CDYL: variants seen among roughly 807,000 people sequenced by gnomAD.
CDYL encodes the protein chromodomain Y-like protein.
A neutral mutation model predicts 47.3 loss-of-function variants in CDYL; 8 were observed. The observed-to-expected ratio is 0.17, with a 90% confidence interval of 0.10 to 0.31. CDYL has a LOEUF of 0.31. Among genes scored for constraint, CDYL ranks in the 10% least tolerant of loss-of-function variants. The pLI, the probability that CDYL is intolerant of heterozygous loss-of-function variation, is 1.00. For missense variants in CDYL, 471 were observed against 701.4 expected, an observed-to-expected ratio of 0.67 and a Z score of 3.71; for synonymous variants, 266 against 265.0, an observed-to-expected ratio of 1.00 and a Z score of -0.04.
intron 1 of CDYL, among the ~76,000 whole-genome samples, chr6:4,838,741 C>T (rs1760399380): frequency 6.6e-6 from 1 of 151,880 alleles, no homozygotes; most frequent in South Asian, 2.1e-4. Flanking sequence ...GGCTGGGGTG[C>T]AGTGGTGCCA....
chr6:4,731,975 T>C (rs1237566407), intron 2 of CDYL, among the ~76,000 whole-genome samples: 1 of 152,202 alleles, frequency 6.6e-6, no homozygotes, highest in Admixed American at 6.5e-5. Flanking sequence ...TATATTCTCT[T>C]GTATGTGTGA....
chr6:4,833,248 G>A (rs1206156213), intron 1 of CDYL, among the ~76,000 whole-genome samples: 47 of 144,408 alleles, frequency 3.3e-4, no homozygotes, highest in Non-Finnish European at 5.4e-4. Flanking sequence ...CTTTGAATGC[G>A]TCCCAGAGAT....
At chr6:4,898,329 T>A (rs1030061110) in intron 2 of CDYL, among the ~76,000 whole-genome samples, 1 of 152,038 alleles carries the variant, frequency 6.6e-6, no homozygotes, top group African/African-American at 2.4e-5. Flanking sequence ...GAGAAGACAT[T>A]TGAAGTCAAG....
intron 2 of CDYL, among the ~76,000 whole-genome samples, chr6:4,917,551 A>C (rs1757592445): frequency 6.6e-6 from 1 of 152,230 alleles, no homozygotes; most frequent in African/African-American, 2.4e-5. Flanking sequence ...ATTAATGTAA[A>C]TGTTACTCAA....
intron 2 of CDYL, among the ~76,000 whole-genome samples, chr6:4,719,705 G>A (rs1757334246): frequency 6.6e-6 from 1 of 152,160 alleles, no homozygotes; most frequent in South Asian, 2.1e-4. Context: ...TTAGCACCCA[G>A]GATGAGTCAT....
At chr6:4,951,788 T>C (rs1028565502) in intron 5 of CDYL, among the ~76,000 whole-genome samples, 2 of 152,170 alleles carry the variant, frequency 1.3e-5, no homozygotes, top group African/African-American at 4.8e-5. Context: ...AGGAATTCTG[T>C]GCCTGGTTCA....
At chr6:4,856,287 T>G (rs1761004524) in intron 1 of CDYL, among the ~76,000 whole-genome samples, 1 of 152,134 alleles carries the variant, frequency 6.6e-6, no homozygotes, top group Non-Finnish European at 1.5e-5. Flanking sequence ...AGGTTTGAAA[T>G]TTTAGCTTGG....
chr6:4,955,273 G>C lies in CDYL; in HGVS notation c.*1217G>C, dbSNP rs1758834578. The stretch of plus-strand genomic sequence containing the variant: ...AGGCTTCTGAGCTTGCAATCATATT[G>C]AATGTATGAAGAGCGAAATCAAATT... On this transcript the variant is annotated 3_prime_UTR_variant, in exon 7 of 7. Coordinates refer to ENST00000397588, the MANE Select transcript of CDYL (RefSeq NM_004824.4). 1 of 152,570 alleles carries C rather than the reference G, an allele frequency of 6.6e-6. No homozygotes were observed. Among genetic ancestry groups the C allele is most frequent in the Admixed American group, 6.5e-5 (1 of 15,278 alleles). The allele number at this position is 152,570 out of a possible 1,614,324, so 9.5% of individuals were successfully genotyped here.
chr6:4,860,498 TATATATATATAAAAA>T lies in CDYL; in HGVS notation c.25-31202_25-31188del, dbSNP rs1367509676. On this transcript the variant is annotated intron_variant, in intron 1 of 6. Coordinates refer to ENST00000397588, the MANE Select transcript of CDYL (RefSeq NM_004824.4). ...TTAGAGGGACAGAACTAATAGGAAA[TATATATATATAAAAA>T]ATATATATATAATGTATATTGTATA... 6.8e-5 allele frequency among the ~76,000 whole-genome samples: 10 copies of T among 147,738 alleles called. No individual in the cohort carries two copies. In the East Asian group the frequency reaches 9.8e-4, roughly 14 times the overall value.
chr6:4,708,521 T>A (rs72819501), intron 1 of CDYL, among the ~76,000 whole-genome samples: 13,377 of 152,270 alleles, frequency 0.088, 811 homozygotes, highest in Non-Finnish European at 0.13. Flanking sequence ...CAAATGCAAC[T>A]GTTAATTTTT....
intron 2 of CDYL, among the ~76,000 whole-genome samples, chr6:4,903,689 C>T (rs751415068): frequency 2.6e-5 from 4 of 152,298 alleles, no homozygotes; most frequent in East Asian, 1.9e-4. Flanking sequence ...TTTGTGTGCT[C>T]GGCCCCTGCA....
chr6:4,800,283 TGTTG>T (rs1759186752), intron 1 of CDYL, among the ~76,000 whole-genome samples: 1 of 152,202 alleles, frequency 6.6e-6, no homozygotes, highest in South Asian at 2.1e-4. Flanking sequence ...TTAATTCTTC[TGTTG>T]GTTTTCTAGC....
intron 2 of CDYL, among the ~76,000 whole-genome samples, chr6:4,895,762 T>C (rs1488512538): frequency 4.6e-5 from 7 of 152,154 alleles, no homozygotes; most frequent in Admixed American, 1.3e-4. Flanking sequence ...TTTCACCACA[T>C]GTGAAACAAT....
chr6:4,812,769 G>T (rs1184163539), intron 1 of CDYL, among the ~76,000 whole-genome samples: 1 of 151,030 alleles, frequency 6.6e-6, no homozygotes, highest in Non-Finnish European at 1.5e-5. Flanking sequence ...AGATTAATTT[G>T]GGTTGGAGAC....
At chr6:4,781,142 G>T (rs1047602498) in intron 1 of CDYL, among the ~76,000 whole-genome samples, 1 of 152,164 alleles carries the variant, frequency 6.6e-6, no homozygotes, top group African/African-American at 2.4e-5. Flanking sequence ...ATCGTATCTG[G>T]TGTGTAAAAA....
chr6:4,787,765 C>CTTTTT (rs70974136), intron 1 of CDYL, among the ~76,000 whole-genome samples: 1,180 of 69,396 alleles, frequency 0.017, 81 homozygotes, highest in African/African-American at 0.063. Flanking sequence ...AAATTCAAGT[C>CTTTTT]TTTTTTTTTT....
intron 2 of CDYL, among the ~76,000 whole-genome samples, chr6:4,897,319 A>G (rs944409695): frequency 6.6e-6 from 1 of 152,236 alleles, no homozygotes; most frequent in Non-Finnish European, 1.5e-5. Flanking sequence ...TGAAGCCAAC[A>G]GACCTAGTAG....
intron 2 of CDYL, among the ~76,000 whole-genome samples, chr6:4,894,045 G>C (rs1165163321): frequency 6.6e-6 from 1 of 152,212 alleles, no homozygotes; most frequent in East Asian, 1.9e-4. Context: ...TTGCAGGTTT[G>C]ACTTCCTATA....
chr6:4,935,196 C>T (rs3789792), intron 2 of CDYL, among the ~76,000 whole-genome samples: 95,894 of 152,008 alleles, frequency 0.63, 30,731 homozygotes, highest in Middle Eastern at 0.79. Context: ...GGAATAGATA[C>T]TCTCCATGAG....
Sources: allele counts gnomAD v4.1 joint callset (sites outside exome capture counted in the v4.1 genomes callset), GRCh38; gene constraint gnomAD v4.1.1; transcripts MANE v1.5; gene names NCBI Gene and HGNC (gene_info 2026-07-23, HGNC 2026-07-21).